The following ARHGAP44 variants were observed in gnomAD, a reference collection of about 807,000 sequenced individuals.
ARHGAP44 encodes the protein Rho GTPase activating protein 44, also known as rho GTPase-activating protein 44.
A neutral mutation model predicts 106.8 loss-of-function variants in ARHGAP44; 43 were observed. The observed-to-expected ratio is 0.40, with a 90% CI of 0.32 to 0.52. The LOEUF (loss-of-function observed/expected upper bound fraction) is 0.52, where lower values mean the gene tolerates loss of function less well. ARHGAP44 is among the 20% of genes least tolerant of loss of function. The pLI is 0.48. For synonymous variants in ARHGAP44, 439 were observed against 410.3 expected, an observed-to-expected ratio of 1.07 and a Z score of -0.85; for missense variants, 866 against 1,050.5, an observed-to-expected ratio of 0.82 and a Z score of 2.43.
rs765722099 is a variant in ARHGAP44 at position 12,955,867 on chromosome 17, A to G, written c.1137A>G (p.Arg379=). 3 of 1,606,626 alleles carry G rather than the reference A, an allele frequency of 1.9e-6. No individual in the cohort carries two copies. Among genetic ancestry groups the G allele is most frequent in the Non-Finnish European group, 2.6e-6 (3 of 1,174,232 alleles). The change falls in exon 14 of 21, where the codon CGA becomes CGG. Residue 379 remains arginine (R), a splice_region_variant and synonymous_variant. Transcript: ENST00000379672. ...KLPKANHNNI[R]YLIKFLSKLS... ...CCTGGCCCTTCTAATTTTCTTTTAG[A>G]TACTTGATAAAATTTTTATCCAAGC...
intron 15 of ARHGAP44, among the ~76,000 whole-genome samples, chr17:12,957,266 C>G (rs1375391532): frequency 6.6e-6 from 1 of 152,178 alleles, no homozygotes; most frequent in Non-Finnish European, 1.5e-5. Flanking sequence ...CCTGTAATCT[C>G]TATTTCAAGG....
chr17:12,952,469 T>C (rs1262450145), intron 12 of ARHGAP44, 32 bp from the exon 13 acceptor site: 4 of 1,498,674 alleles, frequency 2.7e-6, no homozygotes, highest in Non-Finnish European at 3.6e-6. Flanking sequence ...TGATTCGTGC[T>C]CAACCAATGA....
At chr17:12,867,254 T>A (rs192005372) in intron 1 of ARHGAP44, among the ~76,000 whole-genome samples, 99 of 152,034 alleles carry the variant, frequency 6.5e-4, no homozygotes, top group African/African-American at 2.1e-3. Context: ...AGCATTCACA[T>A]TAATGTTTTA....
At chr17:12,865,616 T>C in intron 1 of ARHGAP44, among the ~76,000 whole-genome samples, 1 of 152,020 alleles carries the variant, frequency 6.6e-6, no homozygotes. Context: ...GGTGAAACCC[T>C]GTCTCTACTA....
chr17:12,868,589 TTTTATATATATATA>T (rs71144931), intron 1 of ARHGAP44, among the ~76,000 whole-genome samples: 3,236 of 104,898 alleles, frequency 0.031, 161 homozygotes, highest in African/African-American at 0.095. Context: ...TATATATGCA[TTTTATATATATATA>T]TATATATATA....
At chr17:12,919,926 A>C in intron 6 of ARHGAP44, 95 bp downstream of exon 6, 2 of 1,062,474 alleles carry the variant, frequency 1.9e-6, no homozygotes, top group Non-Finnish European at 2.7e-6. Flanking sequence ...GTTTTCATTC[A>C]CCAAGTTTTT....
intron 1 of ARHGAP44, among the ~76,000 whole-genome samples, chr17:12,839,061 A>T (rs1283340600): frequency 6.6e-6 from 1 of 152,100 alleles, no homozygotes; most frequent in Non-Finnish European, 1.5e-5. Flanking sequence ...TTTCATGTCC[A>T]CCAAACCCTC....
intron 1 of ARHGAP44, among the ~76,000 whole-genome samples, chr17:12,800,644 G>A (rs549945968): frequency 6.6e-6 from 1 of 152,352 alleles, no homozygotes; most frequent in South Asian, 2.1e-4. Context: ...AGCCACATCT[G>A]TGTCATCTGT....
At chr17:12,928,897 C>T (rs1439980734) in intron 6 of ARHGAP44, 32 bp from the exon 7 acceptor site, 2 of 1,575,996 alleles carry the variant, frequency 1.3e-6, no homozygotes, top group African/African-American at 2.7e-5. Flanking sequence ...CTCTACCTGT[C>T]TCACATCTCT....
chr17:12,809,694 A>G (rs1387916989), intron 1 of ARHGAP44, among the ~76,000 whole-genome samples: 2 of 152,160 alleles, frequency 1.3e-5, no homozygotes, highest in African/African-American at 4.8e-5. Context: ...TGCCAGAGTG[A>G]CTAGGTAGGA....
chr17:12,986,880 G>A (rs2039973356), intron 20 of ARHGAP44: 2 of 451,682 alleles, frequency 4.4e-6, no homozygotes, highest in Non-Finnish European at 7.9e-6. Context: ...GATTCATAAT[G>A]TCCCTCGCCC....
At chr17:12,980,344 T>A in intron 19 of ARHGAP44, 111 bp downstream of exon 19, 1 of 1,174,054 alleles carries the variant, frequency 8.5e-7, no homozygotes, top group Non-Finnish European at 1.2e-6. Flanking sequence ...TGTGGTTTAG[T>A]GACTAATTCC....
Position 12,990,262 on chromosome 17 carries a change from C to G in ARHGAP44, c.*91C>G. 6.8e-7 allele frequency: 1 copy of G among 1,463,088 alleles called. No homozygotes were observed. The highest frequency in any genetic ancestry group is 9.2e-7 in the Non-Finnish European group (1 of 1,091,438). The allele number at this position is 1,463,088 out of a possible 1,614,324, so 90.6% of individuals were successfully genotyped here. Reference sequence around the variant, plus strand: ...AGCGTCCATGAGCTTGCCAAGTGTTCTCTGCTGGCTCTTTCCTGCCACTGC... The same window carrying G: ...AGCGTCCATGAGCTTGCCAAGTGTTGTCTGCTGGCTCTTTCCTGCCACTGC... On this transcript the variant is annotated 3_prime_UTR_variant, in exon 21 of 21. Coordinates refer to ENST00000379672, the MANE Select transcript of ARHGAP44 (RefSeq NM_014859.6).
chr17:12,989,088 A>C, intron 20 of ARHGAP44, among the ~76,000 whole-genome samples: 2 of 89,016 alleles, frequency 2.2e-5, no homozygotes, highest in African/African-American at 4.1e-5. Context: ...CAAGAGCGAA[A>C]CTCCACCCCC....
intron 19 of ARHGAP44, among the ~76,000 whole-genome samples, chr17:12,983,297 C>T (rs1230134442): frequency 6.7e-6 from 1 of 149,922 alleles, no homozygotes; most frequent in Non-Finnish European, 1.5e-5. Flanking sequence ...GGAATCAGAC[C>T]CACACACAGC....
intron 1 of ARHGAP44, among the ~76,000 whole-genome samples, chr17:12,828,028 C>CAAAAAA (rs60301804): frequency 6.8e-5 from 5 of 73,926 alleles, no homozygotes; most frequent in Non-Finnish European, 8.6e-5. Context: ...CTGGCCATCT[C>CAAAAAA]AAAAAAAAAA....
chr17:12,915,013 G>T (rs372029601), intron 4 of ARHGAP44, among the ~76,000 whole-genome samples: 3 of 152,098 alleles, frequency 2.0e-5, no homozygotes, highest in African/African-American at 7.2e-5. Context: ...CTGCTCATAC[G>T]TTTGTTGACT....
chr17:12,965,284 C>T (rs2039362719), intron 16 of ARHGAP44, among the ~76,000 whole-genome samples: 1 of 152,208 alleles, frequency 6.6e-6, no homozygotes. Context: ...TGTCATTACA[C>T]TTGCTCCACC....
rs115503421 is a variant in ARHGAP44, at chr17:12,805,464, T to C, written c.53+15573T>C. On this transcript the variant is annotated intron_variant, in intron 1 of 20. Coordinates refer to ENST00000379672, the MANE Select transcript of ARHGAP44 (RefSeq NM_014859.6). ...GAGTTTTTTCCATGCTAAATATGTG[T>C]CTGTTGGCTTATATTCATGCCTTCA... Among the ~76,000 whole-genome samples the C allele has an allele frequency of 5.5e-4, 84 of 152,340 alleles. 1 individual carries two copies. Among genetic ancestry groups the C allele is most frequent in the African/African-American group, 2.0e-3 (82 of 41,568 alleles).
Sources: allele counts gnomAD v4.1 joint callset (sites outside exome capture counted in the v4.1 genomes callset), GRCh38; gene constraint gnomAD v4.1.1; transcripts MANE v1.5; gene names NCBI Gene and HGNC (gene_info 2026-07-23, HGNC 2026-07-21).